The following PCDHGA3 variants were observed in gnomAD, a reference collection of about 807,000 sequenced individuals.
PCDHGA3 encodes protocadherin gamma subfamily A, 3.
Under a neutral mutation model 58.5 loss-of-function variants are expected in PCDHGA3, and 40 were observed. That is an observed-to-expected ratio of 0.68 (90% CI 0.53 to 0.89). PCDHGA3 has a LOEUF of 0.89. Among genes scored for constraint, PCDHGA3 ranks in the 40% least tolerant of loss-of-function variants. The pLI is 0.00. For missense variants in PCDHGA3, 1,223 were observed against 1,195.9 expected (o/e 1.02, Z -0.33); for synonymous variants, 530 against 525.7 (o/e 1.01, Z -0.11).
chr5:141,476,038 G>A lies in PCDHGA3; in HGVS notation c.2425-18769G>A, dbSNP rs1426234941. 1.3e-6 allele frequency: 2 copies of A among 1,484,842 alleles called. No homozygotes were observed. Among genetic ancestry groups the A allele is most frequent in the Non-Finnish European group, 1.8e-6 (2 of 1,118,086 alleles). 92.0% of individuals were successfully genotyped at this position (1,484,842 alleles called of 1,614,324 possible). The stretch of plus-strand genomic sequence containing the variant: ...GTCGGACTCGGCGCCCAGCGCCCAA[G>A]CGCTAACCCGCTGAAAGTTTCTCAG... On this transcript the variant is annotated intron_variant, in intron 1 of 3. Coordinates refer to ENST00000253812, the MANE Select transcript of PCDHGA3 (RefSeq NM_018916.4). The surrounding 1 kb of genome is among the most constrained non-coding windows in gnomAD (Gnocchi z 7.6).
intron 1 of PCDHGA3, chr5:141,357,041 C>T (rs1760441542): frequency 6.2e-7 from 1 of 1,614,006 alleles, no homozygotes; most frequent in African/African-American, 1.3e-5. Context: ...TCCAGCGAGC[C>T]GGGACTATTT....
chr5:141,423,811 T>G, intron 1 of PCDHGA3: 1 of 1,254,642 alleles, frequency 8.0e-7, no homozygotes, highest in Non-Finnish European at 1.0e-6. Flanking sequence ...ACATGTGAGT[T>G]TTACTTTGCC....
chr5:141,451,209 G>C (rs556588482), intron 1 of PCDHGA3, among the ~76,000 whole-genome samples: 1 of 152,266 alleles, frequency 6.6e-6, no homozygotes, highest in African/African-American at 2.4e-5. Flanking sequence ...CCAAAACTTA[G>C]TGGCTTAAAA....
chr5:141,381,354 G>A (rs1163041754), intron 1 of PCDHGA3, among the ~76,000 whole-genome samples: 1 of 152,202 alleles, frequency 6.6e-6, no homozygotes, highest in Non-Finnish European at 1.5e-5. Context: ...CTTTCTGCTA[G>A]CAGAGGGTAG....
chr5:141,398,858 G>C, intron 1 of PCDHGA3: 2 of 1,613,986 alleles, frequency 1.2e-6, no homozygotes, highest in Non-Finnish European at 1.7e-6. Flanking sequence ...GTATTCAACC[G>C]AGACGTGTAC....
At chr5:141,394,057 T>C (rs1318938543) in intron 1 of PCDHGA3, 1 of 1,613,750 alleles carries the variant, frequency 6.2e-7, no homozygotes, top group East Asian at 2.2e-5. Flanking sequence ...CGAGAAAATG[T>C]CTCTATCTAC....
chr5:141,505,577 G>A lies in PCDHGA3; in HGVS notation c.2572+96G>A, dbSNP rs537948666. 8.2e-6 allele frequency: 13 copies of A among 1,589,854 alleles called. No homozygotes were observed. The African/African-American group carries it at 1.1e-4, about 13-fold the overall frequency. Reference sequence around the variant, plus strand: ...TGCCCACGGACTGGATGTCAAACCTGTGTAGTTTCTCCAGATCTTTCGGCA... The same window carrying A: ...TGCCCACGGACTGGATGTCAAACCTATGTAGTTTCTCCAGATCTTTCGGCA... On this transcript the variant is annotated intron_variant, in intron 3 of 3. Coordinates refer to ENST00000253812, the MANE Select transcript of PCDHGA3 (RefSeq NM_018916.4).
intron 1 of PCDHGA3, chr5:141,413,604 C>T: frequency 5.6e-6 from 9 of 1,613,818 alleles, no homozygotes; most frequent in Non-Finnish European, 7.6e-6. Flanking sequence ...AAAATCTAGA[C>T]GTAAAAATTA....
In PCDHGA3 at chr5:141,485,944, G is replaced by A; in HGVS notation, c.2425-8863G>A. 1.2e-6 allele frequency: 2 copies of A among 1,614,116 alleles called. No homozygotes were observed. The highest frequency in any genetic ancestry group is 1.7e-6 in the Non-Finnish European group (2 of 1,180,020). ...TTAGTGTGTTGGAGAGCGCACCAGC[G>A]GGCATGGTGCTCATCCAGCTCAATG... On this transcript the variant is annotated intron_variant, in intron 1 of 3. Coordinates refer to ENST00000253812, the MANE Select transcript of PCDHGA3 (RefSeq NM_018916.4). This position sits in a 1 kb window ranked among gnomAD's most constrained non-coding sequence, Gnocchi z 5.7.
In PCDHGA3 at chr5:141,433,177, A is replaced by T; in HGVS notation, c.2425-61630A>T. 1.9e-6 allele frequency: 3 copies of T among 1,608,174 alleles called. No homozygotes were observed. The Middle Eastern group carries it at 5.0e-4, about 267-fold the overall frequency. Reference sequence around the variant, plus strand: ...TATTTTCTAAAGACAGTCATGGGTTAATTGAGGTGAGTTTATATCAAATCT... The same window carrying T: ...TATTTTCTAAAGACAGTCATGGGTTTATTGAGGTGAGTTTATATCAAATCT... On this transcript the variant is annotated intron_variant, in intron 1 of 3. Coordinates refer to ENST00000253812, the MANE Select transcript of PCDHGA3 (RefSeq NM_018916.4).
intron 1 of PCDHGA3, among the ~76,000 whole-genome samples, chr5:141,426,098 A>T (rs144349682): frequency 6.6e-6 from 1 of 152,356 alleles, no homozygotes; most frequent in Non-Finnish European, 1.5e-5. Flanking sequence ...TATTCTGTTC[A>T]GTCACAGAAG....
chr5:141,345,515 C>T lies in PCDHGA3; in HGVS notation c.1482C>T (p.Asp494=). 1 of 1,614,144 alleles carries T rather than the reference C, an allele frequency of 6.2e-7. No homozygotes were observed. Among genetic ancestry groups the T allele is most frequent in the Non-Finnish European group, 8.5e-7 (1 of 1,179,998 alleles). Residue 494 remains aspartate, a synonymous_variant, in exon 1 of 4, where the codon GAC becomes GAT. Coordinates refer to ENST00000253812, the MANE Select transcript of PCDHGA3 (RefSeq NM_018916.4). The part of the protein sequence containing the change: ...NARITYALTE[D]TLQGAPLSSF... ...GCATCACTTATGCATTGACCGAGGA[C>T]ACTCTCCAGGGGGCGCCCCTGTCCT... is the stretch of plus-strand genomic sequence containing the variant.
intron 1 of PCDHGA3, chr5:141,370,753 C>G: frequency 6.2e-7 from 1 of 1,613,950 alleles, no homozygotes; most frequent in Non-Finnish European, 8.5e-7. Flanking sequence ...TTTCATGTAA[C>G]TGTGCTGATC....
At chr5:141,494,638 A>G (rs2099755799) in intron 1 of PCDHGA3, 169 bp from the exon 2 acceptor site, 1 of 896,388 alleles carries the variant, frequency 1.1e-6, no homozygotes, top group African/African-American at 1.8e-5. Context: ...GACCTCTGAG[A>G]CCTGAGGTGT....
chr5:141,384,431 C>T (rs750392601), intron 1 of PCDHGA3: 1 of 1,614,000 alleles, frequency 6.2e-7, no homozygotes, highest in South Asian at 1.1e-5. Context: ...AACTCTGACA[C>T]TGGAGTCCTG....
At chr5:141,351,248 C>T in intron 1 of PCDHGA3, 1 of 1,613,944 alleles carries the variant, frequency 6.2e-7, no homozygotes, top group Non-Finnish European at 8.5e-7. Context: ...CTGTAATGTT[C>T]AAATAGAAAT....
chr5:141,414,855 C>G, intron 1 of PCDHGA3: 1 of 1,614,238 alleles, frequency 6.2e-7, no homozygotes, highest in South Asian at 1.1e-5. Flanking sequence ...TGGACCAGAA[C>G]GACAATGCGC....
At chr5:141,460,596 C>G (rs930441447) in intron 1 of PCDHGA3, among the ~76,000 whole-genome samples, 2 of 151,986 alleles carry the variant, frequency 1.3e-5, no homozygotes, top group Non-Finnish European at 2.9e-5. Flanking sequence ...TTTCTGGGCT[C>G]TCTGTGTTAG....
chr5:141,383,880 T>A, intron 1 of PCDHGA3: 2 of 1,613,994 alleles, frequency 1.2e-6, no homozygotes, highest in Non-Finnish European at 1.7e-6. Context: ...GTCCTGGTAG[T>A]CTGACAAAGG....
Sources: gnomAD v4.1 joint callset for allele counts (sites outside exome capture counted in the v4.1 genomes callset) on GRCh38, gnomAD v4.1.1 for gene constraint, Gnocchi (gnomAD v3.1) non-coding constraint, MANE v1.5 for transcripts, NCBI Gene and HGNC (gene_info 2026-07-23, HGNC 2026-07-21) for gene names.